Variants in NELL1 observed in about 807,000 individuals in gnomAD.
The protein encoded by NELL1 is protein kinase C-binding protein NELL1.
A neutral mutation model predicts 107.4 loss-of-function variants in NELL1; 76 were observed. The ratio of observed to expected loss-of-function variants is 0.71; its 90% CI spans 0.59 to 0.86. The LOEUF (loss-of-function observed/expected upper bound fraction) is 0.86. Ranked by LOEUF, NELL1 falls within the 40% of genes least tolerant of loss-of-function variation. The probability of loss-of-function intolerance (pLI) is 0.00; values close to 1 mark genes in which losing one functional copy is unlikely to be tolerated. For missense variants in NELL1, 1,024 were observed against 1,005.5 expected, an observed-to-expected ratio of 1.02 and a Z score of -0.25; for synonymous variants, 353 against 341.2, an observed-to-expected ratio of 1.03 and a Z score of -0.38.
chr11:21,272,411 C>G (rs542742714), intron 14 of NELL1, among the ~76,000 whole-genome samples: 1 of 152,156 alleles, frequency 6.6e-6, no homozygotes, highest in Non-Finnish European at 1.5e-5. Flanking sequence ...CTGGGAAGCT[C>G]GAACTGGGTG....
intron 13 of NELL1, among the ~76,000 whole-genome samples, chr11:21,132,393 G>T (rs947647481): frequency 3.9e-5 from 6 of 152,132 alleles, no homozygotes; most frequent in African/African-American, 1.2e-4. Flanking sequence ...GGCCCAGCAG[G>T]CTGTGCTTAG....
At chr11:21,468,615 G>A (rs1854092868) in intron 15 of NELL1, among the ~76,000 whole-genome samples, 1 of 151,876 alleles carries the variant, frequency 6.6e-6, no homozygotes, top group Non-Finnish European at 1.5e-5. Flanking sequence ...TTATCTGACT[G>A]GAAAGTGAAA....
At chr11:21,510,850 C>CTT (rs1196945210) in intron 15 of NELL1, among the ~76,000 whole-genome samples, 1 of 152,170 alleles carries the variant, frequency 6.6e-6, no homozygotes, top group Non-Finnish European at 1.5e-5. Context: ...CTTGGCTATT[C>CTT]TTTATCTCTC....
rs1291915201 is a variant in NELL1 at position 21,451,196 on chromosome 11, A to AG, written c.1645+80248_1645+80249insG. ...AGATAGACTCCGTCTAAAAAAAAAAAAAAAAAGAAAAAAAAAAGAAAAAAG... is the reference window on the plus strand; with the variant it reads ...AGATAGACTCCGTCTAAAAAAAAAAAGAAAAAAGAAAAAAAAAAGAAAAAAG... On this transcript the variant is annotated intron_variant, in intron 15 of 19. Transcript: ENST00000357134. 1.3e-3 allele frequency among the ~76,000 whole-genome samples: 189 copies of AG among 140,400 alleles called. 3 individuals carry two copies. The South Asian group carries it at 0.017, about 13-fold the overall frequency. The allele number at this position is 140,400 out of a possible 152,430, so 92.1% of individuals were successfully genotyped here. A position where few individuals can be genotyped will look rare whatever the true frequency, so the allele number is the denominator to read the frequency against.
chr11:21,509,002 T>C (rs971859287), intron 15 of NELL1, among the ~76,000 whole-genome samples: 1 of 152,076 alleles, frequency 6.6e-6, no homozygotes, highest in African/African-American at 2.4e-5. Context: ...AGCTACATGA[T>C]TGGAGAGTAT....
chr11:21,575,544 C>T lies in NELL1; in HGVS notation c.*522C>T, dbSNP rs934557918. The T allele has an allele frequency of 2.0e-5, 3 of 152,926 alleles. No homozygotes were observed. Among genetic ancestry groups the T allele is most frequent in the Admixed American group, 6.5e-5 (1 of 15,392 alleles). The allele number at this position is 152,926 out of a possible 1,614,324, so 9.5% of individuals were successfully genotyped here. On this transcript the variant is annotated 3_prime_UTR_variant, in exon 20 of 20. Transcript: ENST00000357134. Reference sequence around the variant, plus strand: ...GTATGTAGAGTCCAGTCGCATTATACATACATTTCATAGTGCTGAACCTTC... The same window carrying T: ...GTATGTAGAGTCCAGTCGCATTATATATACATTTCATAGTGCTGAACCTTC...
chr11:20,763,972 A>G (rs1247931649), intron 2 of NELL1, among the ~76,000 whole-genome samples: 3 of 152,252 alleles, frequency 2.0e-5, no homozygotes, highest in Admixed American at 6.5e-5. Context: ...AATGCAGCCA[A>G]CTGGCAACAT....
At chr11:20,779,157 G>A (rs756199886) in intron 2 of NELL1, among the ~76,000 whole-genome samples, 6 of 152,256 alleles carry the variant, frequency 3.9e-5, no homozygotes, top group Non-Finnish European at 8.8e-5. Context: ...GCAGTGATGG[G>A]TTTTATTAGC....
intron 14 of NELL1, among the ~76,000 whole-genome samples, chr11:21,298,850 C>T (rs192634069): frequency 6.6e-6 from 1 of 152,094 alleles, no homozygotes; most frequent in African/African-American, 2.4e-5. Flanking sequence ...CTACCTGATA[C>T]TTTCCTCATC....
At chr11:21,269,562 A>T (rs992881209) in intron 14 of NELL1, among the ~76,000 whole-genome samples, 3 of 152,104 alleles carry the variant, frequency 2.0e-5, no homozygotes, top group Non-Finnish European at 4.4e-5. Flanking sequence ...GAGGGAAAAA[A>T]AGCAACTTAG....
At chr11:21,043,503 A>G (rs189412855) in intron 12 of NELL1, among the ~76,000 whole-genome samples, 1 of 152,166 alleles carries the variant, frequency 6.6e-6, no homozygotes, top group African/African-American at 2.4e-5. Context: ...GGTTCACGTT[A>G]TGAAAGGTCC....
At chr11:21,311,021 G>A (rs1849738141) in intron 14 of NELL1, among the ~76,000 whole-genome samples, 1 of 152,104 alleles carries the variant, frequency 6.6e-6, no homozygotes, top group South Asian at 2.1e-4. Context: ...CTGGCTTTAT[G>A]AGCTGAAAAT....
At chr11:21,186,153 T>C (rs897769532) in intron 13 of NELL1, among the ~76,000 whole-genome samples, 1 of 151,892 alleles carries the variant, frequency 6.6e-6, no homozygotes, top group African/African-American at 2.4e-5. Context: ...GGTCACATGA[T>C]GGCTGATCTT....
chr11:20,875,610 A>G (rs1373695714), intron 4 of NELL1, among the ~76,000 whole-genome samples: 1 of 152,202 alleles, frequency 6.6e-6, no homozygotes, highest in Admixed American at 6.5e-5. Flanking sequence ...ATAAACAATG[A>G]AGCATACTTT....
intron 15 of NELL1, among the ~76,000 whole-genome samples, chr11:21,389,982 A>G (rs2133781107): frequency 6.6e-6 from 1 of 151,936 alleles, no homozygotes; most frequent in South Asian, 2.1e-4. Context: ...GATACTGCCC[A>G]GTTTCCCAAA....
intron 2 of NELL1, among the ~76,000 whole-genome samples, chr11:20,690,901 C>G (rs1474318521): frequency 2.0e-5 from 3 of 151,804 alleles, no homozygotes; most frequent in African/African-American, 4.8e-5. Context: ...GATATTGATT[C>G]TTCCTACCCA....
At chr11:20,685,880 A>G (rs1349451594) in intron 2 of NELL1, among the ~76,000 whole-genome samples, 1 of 152,134 alleles carries the variant, frequency 6.6e-6, no homozygotes, top group Admixed American at 6.6e-5. Flanking sequence ...CCTCACTACT[A>G]TGATATAAAA....
chr11:21,367,230 C>A (rs565620448), intron 14 of NELL1, among the ~76,000 whole-genome samples: 1 of 150,216 alleles, frequency 6.7e-6, no homozygotes, highest in Non-Finnish European at 1.5e-5. Flanking sequence ...TAACAAATGG[C>A]ACTATAATGA....
chr11:21,384,621 A>G (rs1336517527), intron 15 of NELL1, among the ~76,000 whole-genome samples: 1 of 151,302 alleles, frequency 6.6e-6, no homozygotes, highest in Non-Finnish European at 1.5e-5. Flanking sequence ...AACAGTCCCC[A>G]GAGTGTGATG....
Sources: gnomAD v4.1 joint callset for allele counts (sites outside exome capture counted in the v4.1 genomes callset) on GRCh38, gnomAD v4.1.1 for gene constraint, MANE v1.5 for transcripts, NCBI Gene and HGNC (gene_info 2026-07-23, HGNC 2026-07-21) for gene names.